PITRM1: variants seen among roughly 807,000 people sequenced by gnomAD.
PITRM1 encodes the protein presequence protease, mitochondrial.
In PITRM1, 100 loss-of-function variants were observed where a neutral mutation model predicts 129.9. The observed-to-expected ratio is 0.77, with a 90% CI of 0.65 to 0.91. PITRM1 has a LOEUF of 0.91. Ranked by LOEUF, PITRM1 falls within the 40% of genes least tolerant of loss-of-function variation. The probability of loss-of-function intolerance (pLI) is 0.00; values close to 1 mark genes in which losing one functional copy is unlikely to be tolerated. For missense variants in PITRM1, 1,471 were observed against 1,318.3 expected, an observed-to-expected ratio of 1.12 and a Z score of -1.79; for synonymous variants, 591 against 508.8, an observed-to-expected ratio of 1.16 and a Z score of -2.17.
intron 21 of PITRM1, chr10:3,145,161 C>G (rs1264214503): frequency 6.0e-6 from 1 of 166,976 alleles, no homozygotes; most frequent in Non-Finnish European, 1.3e-5. Context: ...CTACTGACAT[C>G]CATGAACTAG....
At chr10:3,159,743 C>G in intron 9 of PITRM1, 105 bp downstream of exon 9, 1 of 661,676 alleles carries the variant, frequency 1.5e-6, no homozygotes, top group Non-Finnish European at 2.7e-6. Context: ...GAATCCTAAC[C>G]GTATATTAAT....
chr10:3,154,839 G>A (rs1454916523), intron 14 of PITRM1, among the ~76,000 whole-genome samples: 1 of 152,014 alleles, frequency 6.6e-6, no homozygotes, highest in East Asian at 1.9e-4. Flanking sequence ...GTTCCACCCG[G>A]CTGCTCCCCC....
At chr10:3,139,543 G>A (rs1228889723) in intron 24 of PITRM1, among the ~76,000 whole-genome samples, 1 of 152,200 alleles carries the variant, frequency 6.6e-6, no homozygotes, top group Non-Finnish European at 1.5e-5. Flanking sequence ...CTGCAGAGGG[G>A]CGGCTGTGAG....
intron 25 of PITRM1, 108 bp downstream of exon 25, chr10:3,138,796 G>C: frequency 1.0e-6 from 1 of 1,000,262 alleles, no homozygotes; most frequent in East Asian, 2.4e-5. Context: ...AGCAAGGATG[G>C]AGGCACCAGA....
chr10:3,153,140 GC>G lies in PITRM1; in HGVS notation c.1622-1778del, dbSNP rs539285539. Reference sequence around the variant, plus strand: ...TAACCATTCAATGCACTAGCACTGTGCCCTCCTTTCAAAGAGCTACACAGCG... The same window carrying G: ...TAACCATTCAATGCACTAGCACTGTGCCTCCTTTCAAAGAGCTACACAGCG... On this transcript the variant is annotated intron_variant, in intron 14 of 26. Transcript: ENST00000224949. 5.1e-3 allele frequency among the ~76,000 whole-genome samples: 782 copies of G among 152,298 alleles called. 5 individuals carry two copies. Among genetic ancestry groups the G allele is most frequent in the Non-Finnish European group, 4.7e-3 (317 of 68,040 alleles).
intron 7 of PITRM1, among the ~76,000 whole-genome samples, chr10:3,161,928 A>C (rs1416142580): frequency 6.6e-6 from 1 of 151,824 alleles, no homozygotes; most frequent in Non-Finnish European, 1.5e-5. Context: ...TAATCCCAGC[A>C]CTTTGGGAGG....
intron 1 of PITRM1, chr10:3,172,143 C>G (rs993255048): frequency 2.2e-6 from 1 of 455,416 alleles, no homozygotes; most frequent in Non-Finnish European, 4.4e-6. Context: ...ACGGACGCCC[C>G]GTGCCTCCCG....
Position 3,140,949 on chromosome 10 carries a change from C to T in PITRM1, c.2646-137G>A, listed in dbSNP as rs1217950952. ...ATAAATTATGGTCCCATATTTTGGT[C>T]TTGTTTTTTAAGAGATGGGGTCTCG... On this transcript the variant is annotated intron_variant, in intron 23 of 26. Coordinates refer to ENST00000224949, the MANE Select transcript of PITRM1 (RefSeq NM_014889.4). 4 of 827,292 alleles carry T rather than the reference C, an allele frequency of 4.8e-6. No homozygotes were observed. The Admixed American group carries it at 7.4e-5, about 15-fold the overall frequency. The allele number at this position is 827,292 out of a possible 1,614,324, so 51.2% of individuals were successfully genotyped here.
At position 3,158,043 on chromosome 10, in the gene PITRM1, A is replaced by G. The variant is rs1842117715; in HGVS notation, c.1247T>C (p.Val416Ala). 6.3e-7 allele frequency: 1 copy of G among 1,579,124 alleles called. No homozygotes were observed. Among genetic ancestry groups the G allele is most frequent in the South Asian group, 1.1e-5 (1 of 90,444 alleles). ...GTTACAAACAAGCTACACTCACTCA[A>G]CTACTTCATCAATCGTTCTGTCTAT... Reference protein sequence around the residue: ...SLIDRTIDEVVEKGFEDDRIE... With the variant: ...SLIDRTIDEVAEKGFEDDRIE... Residue 416 changes from valine (V) to alanine (A), a missense_variant, in exon 11 of 27, where the codon GTT (valine) becomes GCT (alanine). Transcript: ENST00000224949.
chr10:3,138,910 C>G lies in PITRM1; in HGVS notation c.2911G>C (p.Asp971His), dbSNP rs780501465. The G allele has an allele frequency of 1.2e-6, 2 of 1,613,822 alleles. No homozygotes were observed. The highest frequency in any genetic ancestry group is 2.2e-5 in the East Asian group (1 of 44,896). ...ACTGTTATACTCAAAATACCTTTGT[C>G]TGAAGGAGCGACAGGAGCATCTACG... Reference protein sequence around the residue: ...STVDAPVAPSDKGMDHFLYGL... With the variant: ...STVDAPVAPSHKGMDHFLYGL... The change falls in exon 25 of 27, where the codon GAC becomes CAC. Residue 971 changes from aspartate to histidine, a missense_variant. Asp to His is a moderately conservative substitution (Grantham distance 81, BLOSUM62 -1). Coordinates refer to ENST00000224949, the MANE Select transcript of PITRM1 (RefSeq NM_014889.4).
chr10:3,172,378 A>G (rs2132541691), intron 1 of PITRM1, among the ~76,000 whole-genome samples: 1 of 152,334 alleles, frequency 6.6e-6, no homozygotes, highest in Admixed American at 6.5e-5. Context: ...ACAAAAATGA[A>G]CTAGGAGCAA....
chr10:3,165,604 CCCT>C, intron 4 of PITRM1, 77 bp from the exon 5 acceptor site: 1 of 870,012 alleles, frequency 1.1e-6, no homozygotes, highest in Admixed American at 2.1e-5. Flanking sequence ...GACTCATTCC[CCCT>C]TTGTCCTAGG....
intron 5 of PITRM1, 22 bp downstream of exon 5, chr10:3,165,391 T>C (rs1257711702): frequency 1.2e-6 from 2 of 1,605,450 alleles, no homozygotes; most frequent in African/African-American, 2.7e-5. Flanking sequence ...CTGTATCAAC[T>C]AGTTAATCAT....
At chr10:3,166,825 G>A (rs1842905438) in intron 3 of PITRM1, 111 bp downstream of exon 3, 2 of 605,686 alleles carry the variant, frequency 3.3e-6, no homozygotes, top group Middle Eastern at 2.6e-4. Context: ...TTTTATGCGT[G>A]GCCTAAGACA....
rs757839876 is a variant in PITRM1 at position 3,157,469 on chromosome 10, T to C, written c.1313A>G (p.His438Arg). ...CATCAGCCCAAAGCTGGTAGACTGATGTTTCATCTGTATTTCAATTTTATG... is the reference window on the plus strand; with the variant it reads ...CATCAGCCCAAAGCTGGTAGACTGACGTTTCATCTGTATTTCAATTTTATG... ...LLHKIEIQMKHQSTSFGLMLT... is the reference protein window; with the variant it reads ...LLHKIEIQMKRQSTSFGLMLT... The change falls in exon 12 of 27, where the codon CAT (histidine) becomes CGT (arginine). Residue 438 changes from histidine (H) to arginine (R), a missense_variant. Coordinates refer to ENST00000224949, the MANE Select transcript of PITRM1 (RefSeq NM_014889.4). The C allele has an allele frequency of 3.7e-5, 60 of 1,611,140 alleles. No individual in the cohort carries two copies. Among genetic ancestry groups the C allele is most frequent in the Middle Eastern group, 3.3e-4 (2 of 6,062 alleles).
Position 3,172,703 on chromosome 10 carries a change from T to TC in PITRM1, c.56+13dup. Reference sequence around the variant, plus strand: ...GTACCAGCGCGCCGAGCGCCTCCCGTCGCAGCGTCTCACCCGCCGCTCAGC... The same window carrying TC: ...GTACCAGCGCGCCGAGCGCCTCCCGTCCGCAGCGTCTCACCCGCCGCTCAGC... On this transcript the variant is annotated intron_variant, in intron 1 of 26. Transcript: ENST00000224949. 1 of 1,534,666 alleles carries TC rather than the reference T, an allele frequency of 6.5e-7. No individual in the cohort carries two copies. The highest frequency in any genetic ancestry group is 8.8e-7 in the Non-Finnish European group (1 of 1,141,416).
chr10:3,145,759 AAC>A (rs745782711), intron 20 of PITRM1, 43 bp from the exon 21 acceptor site: 14 of 1,427,570 alleles, frequency 9.8e-6, no homozygotes, highest in African/African-American at 5.7e-5. Flanking sequence ...TGTTAGAAAA[AAC>A]AGTTTTAGTA....
rs750457983 is a variant in PITRM1 at position 3,137,839 on chromosome 10, G to A, written c.*192C>T. 3.5e-6 allele frequency: 2 copies of A among 576,992 alleles called. No individual in the cohort carries two copies. The highest frequency in any genetic ancestry group is 2.0e-5 in the South Asian group (1 of 48,888). The allele number at this position is 576,992 out of a possible 1,614,324, so 35.7% of individuals were successfully genotyped here. ...ACATGGTGCATCTTTGGCGCTTCAT[G>A]CATGATTATTTCAATGAACCTCTTC... is the stretch of plus-strand genomic sequence containing the variant. On this transcript the variant is annotated 3_prime_UTR_variant, in exon 27 of 27. Transcript: ENST00000224949.
chr10:3,143,464 A>G lies in PITRM1; in HGVS notation c.2570T>C (p.Phe857Ser), dbSNP rs1393699603. 4 of 1,613,746 alleles carry G rather than the reference A, an allele frequency of 2.5e-6. No individual in the cohort carries two copies. In the South Asian group the frequency reaches 4.4e-5, roughly 18 times the overall value. The change falls in exon 23 of 27, where the codon TTC becomes TCC. Residue 857 changes from phenylalanine (F) to serine (S), a missense_variant. Phe to Ser is a radical substitution (Grantham distance 155). Coordinates refer to ENST00000224949, the MANE Select transcript of PITRM1 (RefSeq NM_014889.4). ...GTAATTCACCGGGAAGGGCATCAGGAAGTGAGTCTTCATCTGCCAGGGCTT... is the reference window on the plus strand; with the variant it reads ...GTAATTCACCGGGAAGGGCATCAGGGAGTGAGTCTTCATCTGCCAGGGCTT... ...TFKPWQMKTH[F>S]LMPFPVNYVG...
Sources: allele counts gnomAD v4.1 joint callset (sites outside exome capture counted in the v4.1 genomes callset), GRCh38; gene constraint gnomAD v4.1.1; transcripts MANE v1.5; gene names NCBI Gene and HGNC (gene_info 2026-07-23, HGNC 2026-07-21).